The following ATF6 variants were observed in gnomAD, a reference collection of about 807,000 sequenced individuals.
The protein encoded by ATF6 is activating transcription factor 6.
Under a neutral mutation model 83.6 loss-of-function variants are expected in ATF6, and 53 were observed. That is an observed-to-expected ratio of 0.63 (90% confidence interval 0.51 to 0.80). The LOEUF (loss-of-function observed/expected upper bound fraction) is 0.80. Among genes scored for constraint, ATF6 ranks in the 30% least tolerant of loss-of-function variants. The pLI is 0.00. For synonymous variants in ATF6, 288 were observed against 285.8 expected (o/e 1.01, Z -0.08); for missense variants, 744 against 797.9 (o/e 0.93, Z 0.81).
At chr1:161,916,957 T>C (rs998517450) in intron 15 of ATF6, among the ~76,000 whole-genome samples, 2 of 152,226 alleles carry the variant, frequency 1.3e-5, no homozygotes, top group Non-Finnish European at 2.9e-5. Context: ...TTTTCTAGGC[T>C]TTCATGATAC....
intron 15 of ATF6, among the ~76,000 whole-genome samples, chr1:161,915,809 G>C (rs1234769038): frequency 6.6e-6 from 1 of 151,976 alleles, no homozygotes; most frequent in East Asian, 1.9e-4. Flanking sequence ...TGTTTGTAGA[G>C]ACAGAGTCTC....
intron 6 of ATF6, among the ~76,000 whole-genome samples, chr1:161,794,528 G>A (rs755930160): frequency 6.6e-6 from 1 of 151,896 alleles, no homozygotes; most frequent in Non-Finnish European, 1.5e-5. Flanking sequence ...TGCTCAGTCT[G>A]GTCTCGAATT....
Position 161,846,434 on chromosome 1 carries a change from G to A in ATF6, c.1188-15G>A. The A allele has an allele frequency of 6.3e-7, 1 of 1,594,048 alleles. No individual in the cohort carries two copies. The stretch of plus-strand genomic sequence containing the variant: ...ATTTTTATTTCAGCTATTATTTCCT[G>A]TTTTTTATTTTCAGCATGTTGGAAC... On this transcript the variant is annotated splice_polypyrimidine_tract_variant and intron_variant, in intron 9 of 15. Coordinates refer to ENST00000367942, the MANE Select transcript of ATF6 (RefSeq NM_007348.4).
chr1:161,933,898 C>G (rs1326201567), intron 15 of ATF6, among the ~76,000 whole-genome samples: 1 of 152,194 alleles, frequency 6.6e-6, no homozygotes, highest in Admixed American at 6.5e-5. Context: ...CAGATCGTTA[C>G]ATGGCTCGCT....
chr1:161,850,739 T>C (rs1331359746), intron 10 of ATF6, among the ~76,000 whole-genome samples: 1 of 152,178 alleles, frequency 6.6e-6, no homozygotes, highest in Non-Finnish European at 1.5e-5. Context: ...GTTTTATATG[T>C]TTACATGTTT....
chr1:161,824,504 T>C (rs1685845521), intron 9 of ATF6, among the ~76,000 whole-genome samples: 1 of 152,182 alleles, frequency 6.6e-6, no homozygotes, highest in African/African-American at 2.4e-5. Context: ...TCTTCATTTT[T>C]CTACATAGCA....
chr1:161,945,063 G>A (rs1299128860), intron 15 of ATF6, among the ~76,000 whole-genome samples: 1 of 152,128 alleles, frequency 6.6e-6, no homozygotes, highest in Non-Finnish European at 1.5e-5. Context: ...AGGAACAGGA[G>A]GCACCGTCCT....
Position 161,857,127 on chromosome 1 carries a change from T to A in ATF6, c.1534-3080T>A, listed in dbSNP as rs533638615. ...TCAATGCCAAAGCATATCAAGATTTTAAAAAAATTCTGTTTCTTGGTGTAA... is the reference window on the plus strand; with the variant it reads ...TCAATGCCAAAGCATATCAAGATTTAAAAAAAATTCTGTTTCTTGGTGTAA... On this transcript the variant is annotated intron_variant, in intron 12 of 15. Coordinates refer to ENST00000367942, the MANE Select transcript of ATF6 (RefSeq NM_007348.4). Among the ~76,000 whole-genome samples, 9 of 152,282 alleles carry A rather than the reference T, an allele frequency of 5.9e-5. No individual in the cohort carries two copies. In the East Asian group the frequency reaches 1.2e-3, roughly 20 times the overall value.
At chr1:161,931,286 TA>T in intron 15 of ATF6, among the ~76,000 whole-genome samples, 1 of 152,342 alleles carries the variant, frequency 6.6e-6, no homozygotes, top group Non-Finnish European at 1.5e-5. Context: ...AAAATTCTTA[TA>T]ATTAACATAA....
chr1:161,928,909 G>A (rs1688377206), intron 15 of ATF6, among the ~76,000 whole-genome samples: 1 of 152,134 alleles, frequency 6.6e-6, no homozygotes. Flanking sequence ...TCTGTGTTTG[G>A]TTAATTTTGC....
At chr1:161,863,787 C>G (rs1686934427) in intron 14 of ATF6, among the ~76,000 whole-genome samples, 1 of 152,118 alleles carries the variant, frequency 6.6e-6, no homozygotes, top group South Asian at 2.1e-4. Context: ...CCTCTTTTAT[C>G]TCTTCTTAAT....
intron 12 of ATF6, among the ~76,000 whole-genome samples, chr1:161,857,651 G>A (rs1032699604): frequency 4.6e-5 from 7 of 152,116 alleles, no homozygotes; most frequent in African/African-American, 1.7e-4. Flanking sequence ...GCAAATATTT[G>A]GGTAAAAAGA....
chr1:161,899,760 A>G (rs1687744707), intron 14 of ATF6, among the ~76,000 whole-genome samples: 2 of 152,108 alleles, frequency 1.3e-5, no homozygotes, highest in African/African-American at 4.8e-5. Context: ...ATTTTTTTAC[A>G]TTTTACATTG....
chr1:161,947,842 G>A (rs906933792), intron 15 of ATF6, among the ~76,000 whole-genome samples: 7 of 41,108 alleles, frequency 1.7e-4, no homozygotes, highest in Admixed American at 1.6e-3. Flanking sequence ...TTTTTTTTTT[G>A]AGATGGAGTG....
chr1:161,810,773 C>A (rs764392435), intron 7 of ATF6, among the ~76,000 whole-genome samples: 15 of 152,142 alleles, frequency 9.9e-5, no homozygotes, highest in Admixed American at 7.9e-4. Flanking sequence ...TTCCTCATTT[C>A]TCACTCCCTG....
chr1:161,778,193 G>GTCAAATAA (rs1684560871), intron 1 of ATF6, 51 bp from the exon 2 acceptor site: 1 of 1,494,352 alleles, frequency 6.7e-7, no homozygotes, highest in African/African-American at 1.4e-5. Context: ...TTGTTTCTTT[G>GTCAAATAA]TCAAATAATT....
At chr1:161,866,958 C>T (rs547391757) in intron 14 of ATF6, among the ~76,000 whole-genome samples, 58 of 152,114 alleles carry the variant, frequency 3.8e-4, no homozygotes, top group African/African-American at 1.4e-3. Context: ...CTTTGTTGCC[C>T]AGGCTTGTCT....
At chr1:161,870,225 A>C (rs1558004358) in intron 14 of ATF6, among the ~76,000 whole-genome samples, 1 of 151,816 alleles carries the variant, frequency 6.6e-6, no homozygotes, top group Non-Finnish European at 1.5e-5. Context: ...TTTGTTTGTT[A>C]ATTACCTGTT....
chr1:161,819,859 T>C (rs758601797), intron 8 of ATF6, 41 bp downstream of exon 8: 1 of 1,510,300 alleles, frequency 6.6e-7, no homozygotes, highest in Non-Finnish European at 8.9e-7. Context: ...TGGGCTAAAG[T>C]ATCCTCTGGA....
Sources: allele counts gnomAD v4.1 joint callset (sites outside exome capture counted in the v4.1 genomes callset), GRCh38; gene constraint gnomAD v4.1.1; transcripts MANE v1.5; gene names NCBI Gene and HGNC (gene_info 2026-07-23, HGNC 2026-07-21).